The following INTS4 variants were observed in gnomAD, a reference collection of about 807,000 sequenced individuals.
INTS4 encodes MSTP093.
A neutral mutation model predicts 119.5 loss-of-function variants in INTS4; 70 were observed. The ratio of observed to expected loss-of-function variants is 0.59; its 90% CI spans 0.48 to 0.71. The LOEUF (loss-of-function observed/expected upper bound fraction) is 0.71, where lower values mean the gene tolerates loss of function less well. INTS4 is among the 30% of genes least tolerant of loss of function. INTS4 has a pLI of 0.00. For synonymous variants in INTS4, 316 were observed against 419.6 expected (o/e 0.75, Z 3.02); for missense variants, 867 against 1,173.2 (o/e 0.74, Z 3.81).
intron 10 of INTS4, among the ~76,000 whole-genome samples, chr11:77,930,307 C>T (rs973178646): frequency 6.6e-6 from 1 of 152,202 alleles, no homozygotes; most frequent in African/African-American, 2.4e-5. Context: ...AGAGTTACTA[C>T]ATTAAAGACA....
intron 8 of INTS4, among the ~76,000 whole-genome samples, chr11:77,944,910 T>C (rs1954011071): frequency 6.6e-6 from 1 of 152,184 alleles, no homozygotes; most frequent in Non-Finnish European, 1.5e-5. Context: ...GGATAGGGGA[T>C]ACTCAATCTG....
At chr11:77,943,941 G>A (rs991097602) in intron 8 of INTS4, among the ~76,000 whole-genome samples, 1 of 152,162 alleles carries the variant, frequency 6.6e-6, no homozygotes, top group African/African-American at 2.4e-5. Context: ...CCAGTCATGG[G>A]CAGACTTACA....
chr11:77,958,029 C>T (rs1217015385), intron 7 of INTS4, among the ~76,000 whole-genome samples: 2 of 152,020 alleles, frequency 1.3e-5, no homozygotes, highest in East Asian at 3.9e-4. Context: ...TCAATCCAGT[C>T]CTAAAAGAAG....
intron 8 of INTS4, among the ~76,000 whole-genome samples, chr11:77,948,129 A>G (rs1954092164): frequency 6.6e-6 from 1 of 152,162 alleles, no homozygotes; most frequent in South Asian, 2.1e-4. Context: ...GATAATAGGC[A>G]AGAGCCACCA....
rs763036024 is a variant in INTS4 at position 77,907,827 on chromosome 11, C to G, written c.1923-17G>C. 6.5e-7 allele frequency: 1 copy of G among 1,538,838 alleles called. No individual in the cohort carries two copies. The highest frequency in any genetic ancestry group is 9.0e-7 in the Non-Finnish European group (1 of 1,114,396). On this transcript the variant is annotated splice_polypyrimidine_tract_variant and intron_variant, in intron 15 of 22. Coordinates refer to ENST00000534064, the MANE Select transcript of INTS4 (RefSeq NM_033547.4). Reference sequence around the variant, plus strand: ...TGCAGATCCCTATAGTAAATAAAACCCCCAAGGCAAACACAGGATAAGGAT... The same window carrying G: ...TGCAGATCCCTATAGTAAATAAAACGCCCAAGGCAAACACAGGATAAGGAT...
intron 8 of INTS4, among the ~76,000 whole-genome samples, chr11:77,951,658 C>T (rs887145089): frequency 6.6e-6 from 1 of 152,152 alleles, no homozygotes; most frequent in African/African-American, 2.4e-5. Context: ...CCAAAATTGA[C>T]AAATGGGATC....
chr11:77,883,917 G>T lies in INTS4; in HGVS notation c.2628C>A (p.His876Gln), dbSNP rs1291575344. Residue 876 changes from histidine (H) to glutamine (Q), a missense_variant, in exon 22 of 23, where the codon CAC (histidine) becomes CAA (glutamine). His to Gln is a conservative substitution (Grantham distance 24). Around this residue, in one of 5 missense-constraint regions of INTS4, gnomAD observed 122 missense variants for 133.2 expected, o/e 0.92. Transcript: ENST00000534064. ...LYPDGQAQMI[H>Q]PKPADFRNPG... is the part of the protein sequence containing the mutation. ...GATTCCGGAAGTCTGCAGGCTTGGG[G>T]TGAATCATCTGAGCCTGGCCATCTG... The T allele has an allele frequency of 1.9e-6, 3 of 1,613,286 alleles. No individual in the cohort carries two copies. The highest frequency in any genetic ancestry group is 2.5e-6 in the Non-Finnish European group (3 of 1,179,628).
At chr11:77,885,229 C>T (rs531607327) in intron 21 of INTS4, among the ~76,000 whole-genome samples, 2 of 152,100 alleles carry the variant, frequency 1.3e-5, no homozygotes, top group African/African-American at 2.4e-5. Context: ...AGGCGCCCAC[C>T]GTCATGCCCG....
Position 77,879,022 on chromosome 11 carries a change from G to C in INTS4, c.2819C>G (p.Thr940Ser), listed in dbSNP as rs778338283. ...GAAGGGAATGGTGCCCTCGATGCTG[G>C]TTTCCACCTGTGGTGACATCTCACC... is the stretch of plus-strand genomic sequence containing the variant. Reference protein sequence around the residue: ...EGGEMSPQVETSIEGTIPFSK... With the variant: ...EGGEMSPQVESSIEGTIPFSK... Residue 940 changes from threonine to serine, a missense_variant, in exon 23 of 23, where the codon ACC (threonine) becomes AGC (serine). Coordinates refer to ENST00000534064, the MANE Select transcript of INTS4 (RefSeq NM_033547.4). 3 of 1,614,116 alleles carry C rather than the reference G, an allele frequency of 1.9e-6. No individual in the cohort carries two copies. Among genetic ancestry groups the C allele is most frequent in the Non-Finnish European group, 2.5e-6 (3 of 1,180,030 alleles).
intron 7 of INTS4, among the ~76,000 whole-genome samples, chr11:77,957,423 G>A (rs1383978462): frequency 1.3e-5 from 2 of 151,674 alleles, no homozygotes; most frequent in South Asian, 2.1e-4. Context: ...GGTGGTGCGC[G>A]ACTGTAATTC....
chr11:77,885,297 G>A (rs560412909), intron 21 of INTS4, among the ~76,000 whole-genome samples: 2 of 151,694 alleles, frequency 1.3e-5, no homozygotes, highest in Admixed American at 6.6e-5. Flanking sequence ...GGTTGGTCTC[G>A]AACTCCTGAC....
At chr11:77,878,500 C>A (rs1165046194), downstream of INTS4, among the ~76,000 whole-genome samples, 1 of 151,824 alleles carries the variant, frequency 6.6e-6, no homozygotes, top group African/African-American at 2.4e-5. Context: ...CAGCAACTGT[C>A]AATGGTAAAA....
intron 10 of INTS4, among the ~76,000 whole-genome samples, chr11:77,928,820 G>A (rs1953574824): frequency 6.6e-6 from 1 of 152,028 alleles, no homozygotes; most frequent in East Asian, 1.9e-4. Flanking sequence ...CTGCACTCCA[G>A]CCTGGTGACA....
Position 77,938,805 on chromosome 11 carries a change from C to G in INTS4, c.1011G>C (p.Glu337Asp), listed in dbSNP as rs1953861746. 6.2e-7 allele frequency: 1 copy of G among 1,611,916 alleles called. No individual in the cohort carries two copies. The highest frequency in any genetic ancestry group is 8.5e-7 in the Non-Finnish European group (1 of 1,179,804). Residue 337 changes from glutamate (E) to aspartate (D), a missense_variant, in exon 10 of 23, where the codon GAG (glutamate) becomes GAC (aspartate). Around this residue, in one of 5 missense-constraint regions of INTS4, gnomAD observed 208 missense variants for 306.6 expected, o/e 0.68. Transcript: ENST00000534064. ...CCGAACTGTAAAGTTCCTTGGCACG[C>G]TCATGTGCAGTACGTTTCCTCTGCA... Reference protein sequence around the residue: ...SDLRRKRTAHERAKELYSSGE... With the variant: ...SDLRRKRTAHDRAKELYSSGE...
intron 16 of INTS4, among the ~76,000 whole-genome samples, chr11:77,904,632 G>A (rs766691109): frequency 4.6e-5 from 7 of 152,178 alleles, no homozygotes; most frequent in Non-Finnish European, 7.4e-5. Context: ...CTAAACTGTA[G>A]ATAAAAACTA....
At chr11:77,907,545 A>C (rs2136455283) in intron 16 of INTS4, among the ~76,000 whole-genome samples, 172 bp downstream of exon 16, 1 of 152,348 alleles carries the variant, frequency 6.6e-6, no homozygotes, top group Middle Eastern at 3.4e-3. Flanking sequence ...CTATGAGTTA[A>C]TATTTCGTTA....
chr11:77,956,444 C>T (rs1266082719), intron 7 of INTS4, among the ~76,000 whole-genome samples: 2 of 151,878 alleles, frequency 1.3e-5, no homozygotes, highest in East Asian at 3.9e-4. Flanking sequence ...CAATGGCTCA[C>T]GCCTGTAATG....
intron 4 of INTS4, chr11:77,978,638 C>T (rs1856054381): frequency 6.3e-6 from 1 of 158,530 alleles, no homozygotes; most frequent in Admixed American, 6.2e-5. Context: ...CTGCAACCTC[C>T]TAGCTGTGCA....
chr11:77,932,209 C>A (rs1301798801), intron 10 of INTS4, among the ~76,000 whole-genome samples: 1 of 151,950 alleles, frequency 6.6e-6, no homozygotes, highest in African/African-American at 2.4e-5. Flanking sequence ...GAGCTAATAT[C>A]CAGAATCTAC....
Sources: allele counts gnomAD v4.1 joint callset (sites outside exome capture counted in the v4.1 genomes callset), GRCh38; gene constraint gnomAD v4.1.1; regional missense constraint gnomAD v4.1.1; transcripts MANE v1.5; gene names NCBI Gene and HGNC (gene_info 2026-07-23, HGNC 2026-07-21).